Variants in LEKR1 observed in about 807,000 individuals in gnomAD.
The protein encoded by LEKR1 is leucine, glutamate and lysine rich 1, also known as protein LEKR1.
A neutral mutation model predicts 72.4 loss-of-function variants in LEKR1; 59 were observed. That is an observed-to-expected ratio of 0.82 (90% CI 0.66 to 1.01). The LOEUF is 1.01. LEKR1 is among the 50% of genes least tolerant of loss of function. The pLI is 0.00. For missense variants in LEKR1, 728 were observed against 759.2 expected, an observed-to-expected ratio of 0.96 and a Z score of 0.48; for synonymous variants, 257 against 263.2, an observed-to-expected ratio of 0.98 and a Z score of 0.23.
At chr3:156,950,883 CT>C (rs199719849) in intron 6 of LEKR1, among the ~76,000 whole-genome samples, 4,796 of 151,672 alleles carry the variant, frequency 0.032, 114 homozygotes, top group Non-Finnish European at 0.047. Context: ...ATTGCTCTGG[CT>C]TAGGACTTCC....
At chr3:156,887,444 T>G (rs1317730942) in intron 3 of LEKR1, among the ~76,000 whole-genome samples, 1 of 152,174 alleles carries the variant, frequency 6.6e-6, no homozygotes, top group East Asian at 1.9e-4. Flanking sequence ...AGTAGAATTG[T>G]TTTTTCAGGA....
At chr3:156,879,400 G>A (rs1244372548) in intron 3 of LEKR1, among the ~76,000 whole-genome samples, 5 of 152,156 alleles carry the variant, frequency 3.3e-5, no homozygotes, top group African/African-American at 9.7e-5. Flanking sequence ...AGAGTATCTG[G>A]TGGAAGAAAT....
chr3:156,968,565 G>C (rs1728845928), intron 6 of LEKR1, among the ~76,000 whole-genome samples: 1 of 152,156 alleles, frequency 6.6e-6, no homozygotes, highest in African/African-American at 2.4e-5. Flanking sequence ...TCAACAAGAA[G>C]AGCTAACTAT....
chr3:156,963,942 G>A (rs1302851664), intron 6 of LEKR1, among the ~76,000 whole-genome samples: 1 of 152,194 alleles, frequency 6.6e-6, no homozygotes, highest in African/African-American at 2.4e-5. Context: ...CAGCCTGGCT[G>A]ATGGTAAACA....
chr3:156,967,222 TCTC>T (rs1728707958), intron 6 of LEKR1, among the ~76,000 whole-genome samples: 1 of 151,992 alleles, frequency 6.6e-6, no homozygotes, highest in African/African-American at 2.4e-5. Context: ...TCAGAACACC[TCTC>T]CTCCTCCAAA....
intron 9 of LEKR1, among the ~76,000 whole-genome samples, chr3:156,994,200 T>A (rs78994635): frequency 6.6e-6 from 1 of 152,140 alleles, no homozygotes; most frequent in Non-Finnish European, 1.5e-5. Context: ...CAATCTTTTT[T>A]TTCTTTGAGT....
At chr3:156,997,499 G>C (rs1001154970) in intron 9 of LEKR1, among the ~76,000 whole-genome samples, 4 of 152,224 alleles carry the variant, frequency 2.6e-5, no homozygotes, top group Admixed American at 2.6e-4. Flanking sequence ...GTAGGTCTGG[G>C]TAGGGCCTAG....
chr3:156,845,733 A>G (rs944639102), intron 2 of LEKR1, among the ~76,000 whole-genome samples: 5 of 152,114 alleles, frequency 3.3e-5, no homozygotes, highest in African/African-American at 9.7e-5. Context: ...TACTATAGCA[A>G]TACAGTGTGT....
At chr3:157,018,105 A>C (rs914198268) in intron 10 of LEKR1, among the ~76,000 whole-genome samples, 3 of 152,176 alleles carry the variant, frequency 2.0e-5, no homozygotes, top group African/African-American at 7.2e-5. Flanking sequence ...AGGAGGACAT[A>C]ATAACCCTAA....
At chr3:156,869,799 T>A (rs1717713291) in intron 3 of LEKR1, among the ~76,000 whole-genome samples, 1 of 151,984 alleles carries the variant, frequency 6.6e-6, no homozygotes, top group East Asian at 1.9e-4. Flanking sequence ...TGTCCTGAAT[T>A]ATTTTACCTA....
intron 6 of LEKR1, among the ~76,000 whole-genome samples, chr3:156,965,337 A>C (rs1275948343): frequency 6.6e-6 from 1 of 152,110 alleles, no homozygotes; most frequent in Non-Finnish European, 1.5e-5. Flanking sequence ...GGTTGTTTTA[A>C]TGTTAAGATT....
At chr3:156,975,046 C>T (rs761769345) in intron 6 of LEKR1, among the ~76,000 whole-genome samples, 4 of 152,082 alleles carry the variant, frequency 2.6e-5, no homozygotes, top group African/African-American at 4.8e-5. Context: ...GCAACTATTC[C>T]CCTTCTTTAC....
intron 2 of LEKR1, among the ~76,000 whole-genome samples, chr3:156,833,907 C>CTT (rs755251498): frequency 1.5e-4 from 21 of 139,272 alleles, no homozygotes; most frequent in African/African-American, 5.2e-4. Context: ...CCCTTTTTTC[C>CTT]TTTTTTTTTT....
intron 10 of LEKR1, among the ~76,000 whole-genome samples, chr3:157,022,630 A>C (rs2108032350): frequency 6.6e-6 from 1 of 152,274 alleles, no homozygotes; most frequent in Admixed American, 6.5e-5. Context: ...GGCTTTGGGA[A>C]GAGTGTTGTT....
chr3:156,886,146 G>A (rs879908461), intron 3 of LEKR1, among the ~76,000 whole-genome samples: 1 of 152,138 alleles, frequency 6.6e-6, no homozygotes, highest in Non-Finnish European at 1.5e-5. Flanking sequence ...CACTGTGGGG[G>A]AGGGGGGTTC....
At chr3:156,903,470 T>A (rs1255595730) in intron 3 of LEKR1, among the ~76,000 whole-genome samples, 2 of 152,202 alleles carry the variant, frequency 1.3e-5, no homozygotes, top group Admixed American at 1.3e-4. Context: ...AAGGTTGTTA[T>A]ATGATAGATC....
At position 156,895,912 on chromosome 3, in the gene LEKR1, T is replaced by A. The variant is rs542999703; in HGVS notation, c.264-24663T>A. Among the ~76,000 whole-genome samples the A allele has an allele frequency of 2.0e-5, 3 of 152,314 alleles. No individual in the cohort carries two copies. The East Asian group carries it at 5.8e-4, about 29-fold the overall frequency. On this transcript the variant is annotated intron_variant, in intron 3 of 12. Coordinates refer to ENST00000356539, the MANE Select transcript of LEKR1 (RefSeq NM_001004316.3). Reference sequence around the variant, plus strand: ...TATTATAAAGACACATGCACGCATATGTTCATTGCAGCACTAGTCACAATA... The same window carrying A: ...TATTATAAAGACACATGCACGCATAAGTTCATTGCAGCACTAGTCACAATA...
intron 6 of LEKR1, among the ~76,000 whole-genome samples, chr3:156,963,963 T>C (rs952172406): frequency 6.6e-6 from 1 of 152,186 alleles, no homozygotes; most frequent in East Asian, 1.9e-4. Context: ...TAAGCTTTTA[T>C]GTGGGGAAGG....
At chr3:156,857,713 T>C (rs1360366905) in intron 3 of LEKR1, among the ~76,000 whole-genome samples, 2 of 152,200 alleles carry the variant, frequency 1.3e-5, no homozygotes, top group Non-Finnish European at 2.9e-5. Flanking sequence ...TCTGTAACAC[T>C]AACAAAATTG....
Sources: allele counts gnomAD v4.1 joint callset (sites outside exome capture counted in the v4.1 genomes callset), GRCh38; gene constraint gnomAD v4.1.1; transcripts MANE v1.5; gene names NCBI Gene and HGNC (gene_info 2026-07-23, HGNC 2026-07-21).